The following RIMS1 variants were observed in gnomAD, a reference collection of about 807,000 sequenced individuals.
RIMS1 encodes regulating synaptic membrane exocytosis protein 1.
In RIMS1, 83 loss-of-function variants were observed where a neutral mutation model predicts 214.1. That is an observed-to-expected ratio of 0.39 (90% CI 0.32 to 0.47). The LOEUF (loss-of-function observed/expected upper bound fraction) is 0.47, where lower values mean the gene tolerates loss of function less well. Ranked by LOEUF, RIMS1 falls within the 20% of genes least tolerant of loss-of-function variation. RIMS1 has a pLI of 0.99. For synonymous variants in RIMS1, 793 were observed against 786.8 expected (o/e 1.01, Z -0.13); for missense variants, 2,050 against 2,161.8 (o/e 0.95, Z 1.03).
At chr6:71,997,963 G>A (rs771653582) in intron 2 of RIMS1, among the ~76,000 whole-genome samples, 1 of 151,926 alleles carries the variant, frequency 6.6e-6, no homozygotes, top group Non-Finnish European at 1.5e-5. Flanking sequence ...AAAATTGAAG[G>A]AAGTTGTCCA....
rs1052952707 is a variant in RIMS1 at position 72,238,461 on chromosome 6, A to G, written c.1957+539A>G. On this transcript the variant is annotated intron_variant, in intron 9 of 33. Coordinates refer to ENST00000521978, the MANE Select transcript of RIMS1 (RefSeq NM_014989.7). ...GTAAATTTAAAAGTGACTCATGTAGATGTGCTAATTCTTGGTATTTAGAAA... is the reference window on the plus strand; with the variant it reads ...GTAAATTTAAAAGTGACTCATGTAGGTGTGCTAATTCTTGGTATTTAGAAA... Among the ~76,000 whole-genome samples, 9 of 152,210 alleles carry G rather than the reference A, an allele frequency of 5.9e-5. No individual in the cohort carries two copies. In the South Asian group the frequency reaches 1.9e-3, roughly 32 times the overall value.
chr6:72,093,228 A>ATATATATATATATATATATGTATATAT (rs200655727), intron 2 of RIMS1, among the ~76,000 whole-genome samples: 5 of 136,962 alleles, frequency 3.7e-5, no homozygotes, highest in Non-Finnish European at 8.1e-5. Context: ...ATATATATAT[A>ATATATATATATATATATATGTATATAT]AAAACATGTG....
Position 72,399,112 on chromosome 6 carries a change from TG to T in RIMS1, c.4860+20del. The T allele has an allele frequency of 6.4e-7, 1 of 1,564,582 alleles. No individual in the cohort carries two copies. ...TTCTTCAGGTCAGTAATAGTTTGTT[TG>T]GCTTTTTACATTGAAATGTCTGTTT... On this transcript the variant is annotated intron_variant, in intron 33 of 33. Transcript: ENST00000521978.
rs557456700 is a variant in RIMS1, at chr6:72,081,429, A to G, written c.246-15520A>G. ...CAGTCTATTGAATTAAATGCGGTTC[A>G]AATTCAAAGTACCTTCATATTATTC... is the stretch of plus-strand genomic sequence containing the variant. On this transcript the variant is annotated intron_variant, in intron 2 of 33. Transcript: ENST00000521978. 1.3e-3 allele frequency among the ~76,000 whole-genome samples: 192 copies of G among 152,324 alleles called. 2 individuals are homozygous for G. Among genetic ancestry groups the G allele is most frequent in the African/African-American group, 4.4e-3 (184 of 41,586 alleles).
chr6:72,006,143 C>A (rs1807504868), intron 2 of RIMS1, among the ~76,000 whole-genome samples: 1 of 152,140 alleles, frequency 6.6e-6, no homozygotes, highest in African/African-American at 2.4e-5. Flanking sequence ...ATTCTTATCA[C>A]AGCACCAATT....
intron 12 of RIMS1, 108 bp downstream of exon 12, chr6:72,248,235 C>A: frequency 3.3e-6 from 2 of 603,654 alleles, no homozygotes; most frequent in South Asian, 2.6e-5. Flanking sequence ...AATACATAGT[C>A]ATTTAACACC....
At chr6:72,025,150 C>T (rs182987781) in intron 2 of RIMS1, among the ~76,000 whole-genome samples, 10 of 152,164 alleles carry the variant, frequency 6.6e-5, no homozygotes, top group South Asian at 2.1e-4. Context: ...GTGATCTGCC[C>T]GTCTTGCTCT....
At chr6:72,371,288 A>G (rs1486474697) in intron 29 of RIMS1, among the ~76,000 whole-genome samples, 2 of 152,180 alleles carry the variant, frequency 1.3e-5, no homozygotes, top group East Asian at 3.9e-4. Context: ...AGGATTAATT[A>G]CAAGCGCTAG....
chr6:72,092,719 T>C (rs555898416), intron 2 of RIMS1, among the ~76,000 whole-genome samples: 1 of 152,236 alleles, frequency 6.6e-6, no homozygotes, highest in South Asian at 2.1e-4. Flanking sequence ...GATGAAGCAC[T>C]TGGTGAAAAG....
intron 27 of RIMS1, among the ~76,000 whole-genome samples, chr6:72,311,024 A>G (rs371748899): frequency 6.6e-6 from 1 of 152,178 alleles, no homozygotes; most frequent in Admixed American, 6.5e-5. Flanking sequence ...CTTATTTCCA[A>G]CTAAAAATAT....
chr6:72,256,457 A>G (rs1043130723), intron 16 of RIMS1, among the ~76,000 whole-genome samples: 1 of 152,136 alleles, frequency 6.6e-6, no homozygotes, highest in African/African-American at 2.4e-5. Context: ...AGAATCCAGG[A>G]AACAATTATA....
chr6:72,144,903 A>G (rs1174824943), intron 4 of RIMS1, among the ~76,000 whole-genome samples: 3 of 147,010 alleles, frequency 2.0e-5, no homozygotes, highest in Non-Finnish European at 4.5e-5. Context: ...TTTTTTTTCG[A>G]GATGGAGTTT....
At chr6:71,976,646 G>A (rs1241679305) in intron 2 of RIMS1, among the ~76,000 whole-genome samples, 1 of 151,956 alleles carries the variant, frequency 6.6e-6, no homozygotes, top group Non-Finnish European at 1.5e-5. Flanking sequence ...TTTTGGTCTT[G>A]CATCCAGGAA....
At chr6:72,052,864 G>T (rs528229530) in intron 2 of RIMS1, among the ~76,000 whole-genome samples, 1 of 152,122 alleles carries the variant, frequency 6.6e-6, no homozygotes, top group African/African-American at 2.4e-5. Context: ...TACACTTTTA[G>T]TATGAAAAGG....
At chr6:72,003,550 T>A (rs1422795674) in intron 2 of RIMS1, among the ~76,000 whole-genome samples, 1 of 152,026 alleles carries the variant, frequency 6.6e-6, no homozygotes, top group Non-Finnish European at 1.5e-5. Context: ...TAGCAATGGG[T>A]TTCTGGGAAA....
At chr6:72,029,718 G>C (rs2151999760) in intron 2 of RIMS1, among the ~76,000 whole-genome samples, 1 of 152,260 alleles carries the variant, frequency 6.6e-6, no homozygotes, top group South Asian at 2.1e-4. Context: ...GTGGGAGATG[G>C]AGGAATACCA....
intron 2 of RIMS1, among the ~76,000 whole-genome samples, chr6:71,996,639 T>C (rs1234602136): frequency 6.6e-6 from 1 of 152,222 alleles, no homozygotes; most frequent in African/African-American, 2.4e-5. Context: ...CTCCCAGTCA[T>C]AGTGCCTGTG....
chr6:71,936,983 G>A (rs1465684863), intron 1 of RIMS1, among the ~76,000 whole-genome samples: 1 of 152,234 alleles, frequency 6.6e-6, no homozygotes, highest in Non-Finnish European at 1.5e-5. Flanking sequence ...CTGGGAATCT[G>A]GAGGAGCTTG....
chr6:71,944,941 G>A (rs773341773), intron 1 of RIMS1, among the ~76,000 whole-genome samples: 4 of 152,280 alleles, frequency 2.6e-5, no homozygotes, highest in Middle Eastern at 6.8e-3. Context: ...AGTAACAGAG[G>A]TGGTAAAGGG....
Sources: gnomAD v4.1 joint callset for allele counts (sites outside exome capture counted in the v4.1 genomes callset) on GRCh38, gnomAD v4.1.1 for gene constraint, MANE v1.5 for transcripts, NCBI Gene and HGNC (gene_info 2026-07-23, HGNC 2026-07-21) for gene names.